The following FHIT variants were observed in gnomAD, a reference collection of about 807,000 sequenced individuals.
FHIT encodes the protein fragile histidine triad diadenosine triphosphatase, also known as bis(5'-adenosyl)-triphosphatase.
In FHIT, 19 loss-of-function variants were observed where a neutral mutation model predicts 17.9. The ratio of observed to expected loss-of-function variants is 1.06; its 90% CI spans 0.74 to 1.56. FHIT has a LOEUF of 1.56. Ranked by LOEUF, FHIT falls within the 40% of genes most tolerant of loss-of-function variation. The probability of loss-of-function intolerance (pLI) is 0.00; values close to 1 mark genes in which losing one functional copy is unlikely to be tolerated. For synonymous variants in FHIT, 81 were observed against 69.7 expected (o/e 1.16, Z -0.81); for missense variants, 248 against 189.2 (o/e 1.31, Z -1.82).
At chr3:60,060,452 T>C (rs1463895396) in intron 5 of FHIT, among the ~76,000 whole-genome samples, 1 of 152,198 alleles carries the variant, frequency 6.6e-6, no homozygotes, top group Admixed American at 6.5e-5. Flanking sequence ...TTTCTCCAAA[T>C]CCTCCCATCA....
At chr3:60,658,433 C>T (rs557037992) in intron 4 of FHIT, among the ~76,000 whole-genome samples, 3 of 152,118 alleles carry the variant, frequency 2.0e-5, no homozygotes, top group Non-Finnish European at 2.9e-5. Context: ...ATTCCTTTCT[C>T]ATTTCCCCTT....
At chr3:61,009,381 A>G (rs1352396002) in intron 3 of FHIT, among the ~76,000 whole-genome samples, 1 of 152,204 alleles carries the variant, frequency 6.6e-6, no homozygotes, top group Non-Finnish European at 1.5e-5. Flanking sequence ...TTCCTCCACT[A>G]CCATATATGA....
intron 2 of FHIT, among the ~76,000 whole-genome samples, chr3:61,198,897 ATG>A (rs2038932380): frequency 2.9e-3 from 13 of 4,440 alleles, no homozygotes; most frequent in Admixed American, 0.02. Context: ...GCCGCCGCCG[ATG>A]ATGATGATGA....
rs561595535 is a variant in FHIT, at chr3:60,538,614, C to T, written c.-17-1635G>A. ...AGAGATATAGACCAATGGAACAGAACAGAGCCCTCAGAAATAATGCCACAC... is the reference window on the plus strand; with the variant it reads ...AGAGATATAGACCAATGGAACAGAATAGAGCCCTCAGAAATAATGCCACAC... On this transcript the variant is annotated intron_variant, in intron 4 of 9. Coordinates refer to ENST00000492590, the MANE Select transcript of FHIT (RefSeq NM_002012.4). Among the ~76,000 whole-genome samples the T allele has an allele frequency of 2.3e-3, 355 of 152,170 alleles. 3 individuals are homozygous for T. The highest frequency in any genetic ancestry group is 0.017 in the Middle Eastern group (5 of 292).
rs1210975877 is a variant in FHIT, at chr3:60,188,207, C to CTTTT, written c.104-174059_104-174056dup. Among the ~76,000 whole-genome samples, 282 of 125,554 alleles carry CTTTT rather than the reference C, an allele frequency of 2.2e-3. 4 individuals carry two copies. Among genetic ancestry groups the CTTTT allele is most frequent in the Non-Finnish European group, 2.6e-3 (161 of 61,468 alleles). 82.4% of individuals were successfully genotyped at this position (125,554 alleles called of 152,430 possible). On this transcript the variant is annotated intron_variant, in intron 5 of 9. Coordinates refer to ENST00000492590, the MANE Select transcript of FHIT (RefSeq NM_002012.4). ...ACTCAGGGATCTTGACAGTTTCTTT[C>CTTTT]TTTTTTTTTTTTTTTTTTTTACCAT...
At chr3:61,084,844 G>T (rs2035256271) in intron 2 of FHIT, among the ~76,000 whole-genome samples, 1 of 152,224 alleles carries the variant, frequency 6.6e-6, no homozygotes, top group African/African-American at 2.4e-5. Context: ...ACACCAGGCA[G>T]CAACTGATTT....
At chr3:60,368,930 C>T (rs1700215804) in intron 5 of FHIT, among the ~76,000 whole-genome samples, 3 of 151,848 alleles carry the variant, frequency 2.0e-5, no homozygotes, top group Admixed American at 2.0e-4. Context: ...GACTAGTTGG[C>T]TGTTAACTCC....
rs1702772324 is a variant in FHIT, at chr3:60,842,639, ATATATATTTTTTTTT to A, written c.-110-20643_-110-20629del. ...CATATATATATGAGTGTATATATAT[ATATATATTTTTTTTT>A]TTTTTTTTTTCCCTTGCTAGGCAAA... On this transcript the variant is annotated intron_variant, in intron 3 of 9. Transcript: ENST00000492590. Among the ~76,000 whole-genome samples, 47 of 43,408 alleles carry A rather than the reference ATATATATTTTTTTTT, an allele frequency of 1.1e-3. 1 individual carries two copies. The South Asian group carries it at 0.036, about 34-fold the overall frequency. The allele number at this position is 43,408 out of a possible 152,430, so 28.5% of individuals were successfully genotyped here. A position where few individuals can be genotyped will look rare whatever the true frequency, so the allele number is the denominator to read the frequency against.
At chr3:60,316,215 G>A (rs973351960) in intron 5 of FHIT, among the ~76,000 whole-genome samples, 2 of 152,136 alleles carry the variant, frequency 1.3e-5, no homozygotes, top group African/African-American at 4.8e-5. Context: ...ACTTGACAGT[G>A]GGGATGTATG....
chr3:59,981,240 C>T (rs1300855164), intron 7 of FHIT, among the ~76,000 whole-genome samples: 2 of 152,114 alleles, frequency 1.3e-5, no homozygotes, highest in Non-Finnish European at 2.9e-5. Flanking sequence ...AATCCAGACA[C>T]ATTTTTTTTA....
At chr3:60,900,573 T>C (rs549760799) in intron 3 of FHIT, among the ~76,000 whole-genome samples, 2 of 152,150 alleles carry the variant, frequency 1.3e-5, no homozygotes, top group Non-Finnish European at 2.9e-5. Context: ...CCAACCATAT[T>C]TGAGCCTGCA....
intron 4 of FHIT, among the ~76,000 whole-genome samples, chr3:60,723,039 A>G (rs1553708516): frequency 6.6e-6 from 1 of 151,844 alleles, no homozygotes; most frequent in East Asian, 1.9e-4. Context: ...GTCTTAATTC[A>G]CTTGTTTCTG....
At chr3:61,193,069 G>A (rs1576185944) in intron 2 of FHIT, among the ~76,000 whole-genome samples, 1 of 152,116 alleles carries the variant, frequency 6.6e-6, no homozygotes, top group East Asian at 1.9e-4. Context: ...CCTAAATCCA[G>A]TCTCCATTAA....
At chr3:59,934,517 A>C (rs1706134077) in intron 7 of FHIT, among the ~76,000 whole-genome samples, 1 of 152,166 alleles carries the variant, frequency 6.6e-6, no homozygotes. Context: ...TTTCAGTGAC[A>C]TAACAGCTTT....
intron 5 of FHIT, among the ~76,000 whole-genome samples, chr3:60,103,044 T>A (rs1203214233): frequency 6.6e-6 from 1 of 152,188 alleles, no homozygotes; most frequent in East Asian, 1.9e-4. Flanking sequence ...TTATGAAGCT[T>A]AAGACCCCAT....
chr3:59,956,299 C>A (rs915022292), intron 7 of FHIT, among the ~76,000 whole-genome samples: 9 of 151,956 alleles, frequency 5.9e-5, no homozygotes, highest in Non-Finnish European at 8.8e-5. Flanking sequence ...CAGCACACAG[C>A]CTCCCAGGAG....
intron 8 of FHIT, among the ~76,000 whole-genome samples, chr3:59,853,194 A>T (rs1003065134): frequency 3.3e-5 from 5 of 152,174 alleles, no homozygotes; most frequent in Non-Finnish European, 7.4e-5. Flanking sequence ...TGGCATTGTC[A>T]GTGTTCTGAT....
intron 8 of FHIT, among the ~76,000 whole-genome samples, chr3:59,819,019 C>T (rs943175143): frequency 1.1e-4 from 16 of 152,260 alleles, no homozygotes; most frequent in Non-Finnish European, 1.6e-4. Context: ...GGAGAATTCT[C>T]CTGGTTATTT....
chr3:60,673,787 TCTC>T (rs1292562509), intron 4 of FHIT, among the ~76,000 whole-genome samples: 1 of 152,182 alleles, frequency 6.6e-6, no homozygotes, highest in Non-Finnish European at 1.5e-5. Context: ...TTACTGTTGT[TCTC>T]CTATATGTAA....
Sources: gnomAD v4.1 joint callset for allele counts (sites outside exome capture counted in the v4.1 genomes callset) on GRCh38, gnomAD v4.1.1 for gene constraint, MANE v1.5 for transcripts, NCBI Gene and HGNC (gene_info 2026-07-23, HGNC 2026-07-21) for gene names.